CCDC171: variants seen among roughly 807,000 people sequenced by gnomAD.
CCDC171 encodes coiled-coil domain containing 171.
A neutral mutation model predicts 168.2 loss-of-function variants in CCDC171; 177 were observed. The observed-to-expected ratio is 1.05, with a 90% CI of 0.93 to 1.19. The LOEUF (loss-of-function observed/expected upper bound fraction) is 1.19, where lower values mean the gene tolerates loss of function less well. Ranked by LOEUF, CCDC171 falls within the 50% of genes most tolerant of loss-of-function variation. The pLI is 0.00. For synonymous variants in CCDC171, 687 were observed against 540.8 expected (o/e 1.27, Z -3.75); for missense variants, 1,991 against 1,539.0 (o/e 1.29, Z -4.91).
chr9:16,080,531 A>G, the CCDC171 span, among the ~76,000 whole-genome samples: 1 of 152,174 alleles, frequency 6.6e-6, no homozygotes, highest in East Asian at 1.9e-4. Flanking sequence ...TGATCTAACC[A>G]AGACGAGCAC....
intron 4 of CCDC171, among the ~76,000 whole-genome samples, chr9:15,589,482 A>G (rs2041831822): frequency 6.6e-6 from 1 of 152,208 alleles, no homozygotes; most frequent in South Asian, 2.1e-4. Flanking sequence ...GCTTGTGAAA[A>G]GTTGTTAAAC....
the CCDC171 span, among the ~76,000 whole-genome samples, chr9:16,077,433 C>T: frequency 6.6e-6 from 1 of 152,182 alleles, no homozygotes; most frequent in Non-Finnish European, 1.5e-5. Context: ...GTGGAGAATA[C>T]TTCCCTACTC....
At chr9:15,570,510 T>C (rs2040140341) in intron 2 of CCDC171, among the ~76,000 whole-genome samples, 1 of 152,208 alleles carries the variant, frequency 6.6e-6, no homozygotes, top group South Asian at 2.1e-4. Flanking sequence ...CTTTTGGTGA[T>C]TGTTGGCTGT....
intron 3 of CCDC171, among the ~76,000 whole-genome samples, chr9:16,003,115 G>T (rs937436043): frequency 1.3e-5 from 2 of 152,180 alleles, no homozygotes; most frequent in African/African-American, 4.8e-5. Flanking sequence ...CTGCATCTCT[G>T]TTAGTGATTG....
intron 15 of CCDC171, among the ~76,000 whole-genome samples, chr9:15,728,536 A>T (rs978189468): frequency 6.6e-6 from 1 of 152,210 alleles, no homozygotes; most frequent in Non-Finnish European, 1.5e-5. Context: ...CAAAATGTAT[A>T]TTAGAAAACT....
chr9:15,813,432 T>C (rs1212027709), intron 21 of CCDC171, among the ~76,000 whole-genome samples: 1 of 152,314 alleles, frequency 6.6e-6, no homozygotes, highest in Non-Finnish European at 1.5e-5. Flanking sequence ...GACATTATCA[T>C]GTTTGAGCCA....
chr9:15,649,871 C>T (rs568580111), intron 7 of CCDC171, among the ~76,000 whole-genome samples: 80 of 152,304 alleles, frequency 5.3e-4, no homozygotes, highest in East Asian at 1.2e-3. Context: ...ACTAGAAATA[C>T]GGTTTGAGCC....
At chr9:15,573,624 T>C (rs1372890199) in intron 3 of CCDC171, among the ~76,000 whole-genome samples, 1 of 124,834 alleles carries the variant, frequency 8.0e-6, no homozygotes, top group Non-Finnish European at 1.7e-5. Flanking sequence ...TAATTGCTTC[T>C]ATTTACATTG....
intron 24 of CCDC171, among the ~76,000 whole-genome samples, chr9:15,904,386 G>T (rs1486682583): frequency 6.6e-6 from 1 of 151,888 alleles, no homozygotes; most frequent in African/African-American, 2.4e-5. Context: ...ATTCTTAAAA[G>T]AATTTTCAAC....
At chr9:15,653,882 G>A (rs2047722146) in intron 7 of CCDC171, among the ~76,000 whole-genome samples, 1 of 151,276 alleles carries the variant, frequency 6.6e-6, no homozygotes, top group South Asian at 2.1e-4. Flanking sequence ...TTCCCAAAGT[G>A]ACGGGGGCCA....
chr9:15,677,512 A>G (rs2049670330), intron 9 of CCDC171, among the ~76,000 whole-genome samples: 1 of 152,222 alleles, frequency 6.6e-6, no homozygotes, highest in South Asian at 2.1e-4. Context: ...CTCCTGCAAT[A>G]TAATTTAATC....
At chr9:15,558,421 G>C (rs1023097524) in intron 1 of CCDC171, among the ~76,000 whole-genome samples, 22 of 152,182 alleles carry the variant, frequency 1.4e-4, no homozygotes, top group Non-Finnish European at 2.1e-4. Flanking sequence ...ACCTGTTATT[G>C]GTCTTTTCAG....
At chr9:16,081,407 G>T in the CCDC171 span, among the ~76,000 whole-genome samples, 1 of 152,170 alleles carries the variant, frequency 6.6e-6, no homozygotes, top group African/African-American at 2.4e-5. Flanking sequence ...TTGGGCATGA[G>T]AACTCATGGG....
chr9:15,773,304 A>G (rs2057111023), intron 18 of CCDC171, among the ~76,000 whole-genome samples: 1 of 152,186 alleles, frequency 6.6e-6, no homozygotes, highest in Non-Finnish European at 1.5e-5. Context: ...AAAATGCACA[A>G]TGGTTACTGC....
At chr9:15,912,213 T>G (rs1047894875) in intron 24 of CCDC171, among the ~76,000 whole-genome samples, 4 of 152,156 alleles carry the variant, frequency 2.6e-5, no homozygotes, top group African/African-American at 9.7e-5. Flanking sequence ...TTTGTGTCCT[T>G]TCTTATTTCC....
chr9:16,078,714 T>C, the CCDC171 span, among the ~76,000 whole-genome samples: 3 of 152,042 alleles, frequency 2.0e-5, no homozygotes, highest in Non-Finnish European at 2.9e-5. Flanking sequence ...GACCCCAGGA[T>C]AAAAGCTTCA....
chr9:15,852,745 G>T (rs2061185205), intron 23 of CCDC171, among the ~76,000 whole-genome samples: 1 of 149,138 alleles, frequency 6.7e-6, no homozygotes, highest in Non-Finnish European at 1.5e-5. Context: ...ATATAGAATT[G>T]ATTTTATATA....
chr9:16,062,908 A>G (rs1162410740), downstream of CCDC171, among the ~76,000 whole-genome samples: 1 of 152,190 alleles, frequency 6.6e-6, no homozygotes, highest in African/African-American at 2.4e-5. Flanking sequence ...CCCTCACTAG[A>G]GACATGTGCT....
intron 6 of CCDC171, among the ~76,000 whole-genome samples, chr9:16,033,808 G>A (rs982104498): frequency 6.6e-6 from 1 of 151,704 alleles, no homozygotes; most frequent in African/African-American, 2.4e-5. Flanking sequence ...AGAGGAAACC[G>A]AGGACAGAGA....
Sources: gnomAD v4.1 joint callset for allele counts (sites outside exome capture counted in the v4.1 genomes callset) on GRCh38, gnomAD v4.1.1 for gene constraint, MANE v1.5 for transcripts, NCBI Gene and HGNC (gene_info 2026-07-23, HGNC 2026-07-21) for gene names.